Variants in PCK1 observed in about 807,000 individuals in gnomAD.
PCK1 encodes phosphoenolpyruvate carboxykinase, cytosolic [GTP].
A neutral mutation model predicts 50.3 loss-of-function variants in PCK1; 44 were observed. That is an observed-to-expected ratio of 0.87 (90% CI 0.69 to 1.12). The LOEUF is 1.12. PCK1 is among the 50% of genes most tolerant of loss of function. The probability of loss-of-function intolerance (pLI) is 0.00; values close to 1 mark genes in which losing one functional copy is unlikely to be tolerated. For missense variants in PCK1, 790 were observed against 815.0 expected, an observed-to-expected ratio of 0.97 and a Z score of 0.37; for synonymous variants, 332 against 314.3, an observed-to-expected ratio of 1.06 and a Z score of -0.59.
rs2070211948 is a variant in PCK1, at chr20:57,567,128, T to C, written c.*1324T>C. The C allele has an allele frequency of 6.6e-6, 1 of 152,226 alleles. No homozygotes were observed. Among genetic ancestry groups the C allele is most frequent in the Non-Finnish European group, 1.5e-5 (1 of 68,066 alleles). The allele number at this position is 152,226 out of a possible 1,614,324, so 9.4% of individuals were successfully genotyped here. On this transcript the variant is annotated 3_prime_UTR_variant, in exon 10 of 10. Coordinates refer to ENST00000319441, the MANE Select transcript of PCK1 (RefSeq NM_002591.4). ...TAAACTTTATATCACAGATTCAATC[T>C]GTGTAAATACTATTATCTTCAAGTT...
chr20:57,564,422 C>T (rs1486395200), intron 7 of PCK1, 29 bp downstream of exon 7: 25 of 1,613,748 alleles, frequency 1.5e-5, no homozygotes, highest in Non-Finnish European at 2.1e-5. Context: ...CCTTGGTGTG[C>T]CGGGCTGCAG....
rs756920795 is a variant in PCK1, at chr20:57,562,732, C to T, written c.443C>T (p.Pro148Leu). The T allele has an allele frequency of 2.8e-5, 45 of 1,613,864 alleles. 1 individual carries two copies. Among genetic ancestry groups the T allele is most frequent in the East Asian group, 1.3e-4 (6 of 44,894 alleles). The change falls in exon 4 of 10, where the codon CCG becomes CTG. Residue 148 changes from proline to leucine, a missense_variant. Coordinates refer to ENST00000319441, the MANE Select transcript of PCK1 (RefSeq NM_002591.4). ...TMYVIPFSMG[P>L]LGSPLSKIGI... ...TACGTCATCCCATTCAGCATGGGGC[C>T]GCTGGGCTCGCCTCTGTCAAAGATC...
chr20:57,562,189 C>G lies in PCK1; in HGVS notation c.343C>G (p.Arg115Gly), dbSNP rs2070151842. The change falls in exon 3 of 10, where the codon CGC becomes GGC. Residue 115 changes from arginine to glycine, a missense_variant. Coordinates refer to ENST00000319441, the MANE Select transcript of PCK1 (RefSeq NM_002591.4). ...CAAAACAGGCCTCAGCCAGCTCGGT[C>G]GCTGGATGTCAGAGGAGGATTTTGA... ...IPKTGLSQLGRWMSEEDFEKA... is the reference protein window; with the variant it reads ...IPKTGLSQLGGWMSEEDFEKA... 6.2e-7 allele frequency: 1 copy of G among 1,613,980 alleles called. No homozygotes were observed. The highest frequency in any genetic ancestry group is 1.7e-5 in the Admixed American group (1 of 60,012).
In PCK1 at chr20:57,561,523, T is replaced by C. The variant is rs1394259521; in HGVS notation, c.112T>C (p.Cys38Arg). The change falls in exon 2 of 10, where the codon TGT becomes CGT. Residue 38 changes from cysteine to arginine, a missense_variant. Transcript: ENST00000319441. Reference sequence around the variant, plus strand: ...GTTTCTCGAGAATAACGCTGAGCTGTGTCAGCCTGATCACATCCACATCTG... The same window carrying C: ...GTTTCTCGAGAATAACGCTGAGCTGCGTCAGCCTGATCACATCCACATCTG... ...REFLENNAEL[C>R]QPDHIHICDG... 1 of 1,613,670 alleles carries C rather than the reference T, an allele frequency of 6.2e-7. No homozygotes were observed. Among genetic ancestry groups the C allele is most frequent in the South Asian group, 1.1e-5 (1 of 91,078 alleles).
rs1338587290 is a variant in PCK1, at chr20:57,564,486, A to G, written c.1191A>G (p.Glu397=). 6.2e-7 allele frequency: 1 copy of G among 1,613,882 alleles called. No homozygotes were observed. Among genetic ancestry groups the G allele is most frequent in the Non-Finnish European group, 8.5e-7 (1 of 1,180,024 alleles). ...GAGCCTTTCTCTGTCTTATAGGGGAACCTTGTGCCCACCCCAACTCGAGGT... is the reference window on the plus strand; with the variant it reads ...GAGCCTTTCTCTGTCTTATAGGGGAGCCTTGTGCCCACCCCAACTCGAGGT... The part of the protein sequence containing the change: ...KNKEWSSEDG[E]PCAHPNSRFC... Residue 397 remains glutamate, a synonymous_variant, in exon 8 of 10, where the codon GAA becomes GAG. Coordinates refer to ENST00000319441, the MANE Select transcript of PCK1 (RefSeq NM_002591.4).
rs766747521 is a variant in PCK1 at position 57,564,624 on chromosome 20, C to T, written c.1318+11C>T. On this transcript the variant is annotated intron_variant, in intron 8 of 9. Coordinates refer to ENST00000319441, the MANE Select transcript of PCK1 (RefSeq NM_002591.4). ...GCCGTAGACCTGCTGGTGAGGCTCT[C>T]CTTCATTTAGGCTGGGAACATGGGT... 7.0e-6 allele frequency: 11 copies of T among 1,574,370 alleles called. No homozygotes were observed. Among genetic ancestry groups the T allele is most frequent in the Admixed American group, 3.6e-5 (2 of 55,922 alleles).
chr20:57,561,765 T>C, intron 2 of PCK1, 130 bp downstream of exon 2: 1 of 667,638 alleles, frequency 1.5e-6, no homozygotes, highest in Non-Finnish European at 2.6e-6. Flanking sequence ...ATGAATGCAA[T>C]GGTCAGAACC....
rs957543757 is a variant in PCK1 at position 57,565,044 on chromosome 20, C to T, written c.1323C>T (p.Val441=). The T allele has an allele frequency of 1.2e-6, 2 of 1,610,044 alleles. No individual in the cohort carries two copies. Among genetic ancestry groups the T allele is most frequent in the African/African-American group, 2.7e-5 (2 of 74,602 alleles). ...TCTTTTTTTTTCCTGCTAAAGGTGT[C>T]CCTCTAGTCTATGAAGCTCTCAGCT... ...IIFGGRRPAG[V]PLVYEALSWQ... The change falls in exon 9 of 10, where the codon GTC becomes GTT. Residue 441 remains valine (V), a synonymous_variant. Transcript: ENST00000319441.
Position 57,565,836 on chromosome 20 carries a change from T to G in PCK1, c.*32T>G. On this transcript the variant is annotated 3_prime_UTR_variant, in exon 10 of 10. Transcript: ENST00000319441. The stretch of plus-strand genomic sequence containing the variant: ...CCTGAGTGCTTTACCTTTAAAATCA[T>G]TCCCTTTCCCATCCATAAGGTGCAG... The G allele has an allele frequency of 6.7e-7, 1 of 1,500,766 alleles. No homozygotes were observed. The allele number at this position is 1,500,766 out of a possible 1,614,324, so 93.0% of individuals were successfully genotyped here. A position where few individuals can be genotyped will look rare whatever the true frequency, so the allele number is the denominator to read the frequency against.
chr20:57,562,929 A>G (rs368121320), intron 4 of PCK1, 30 bp downstream of exon 4: 3 of 1,591,914 alleles, frequency 1.9e-6, no homozygotes, highest in Non-Finnish European at 2.6e-6. Flanking sequence ...ATCAAAAGTC[A>G]AAATAAAAAA....
rs1185918570 is a variant in PCK1, at chr20:57,564,650, G to A, written c.1318+37G>A. ...CTTCATTTAGGCTGGGAACATGGGT[G>A]TGCTGGGTACCGAAGGGCATCTGTG... On this transcript the variant is annotated intron_variant, in intron 8 of 9. Coordinates refer to ENST00000319441, the MANE Select transcript of PCK1 (RefSeq NM_002591.4). The A allele has an allele frequency of 5.2e-6, 8 of 1,540,238 alleles. No homozygotes were observed. The South Asian group carries it at 1.0e-4, about 20-fold the overall frequency.
At position 57,568,034 on chromosome 20, in the gene PCK1, C is replaced by T. The variant is rs916696796; in HGVS notation, c.*2230C>T. On this transcript the variant is annotated 3_prime_UTR_variant, in exon 10 of 10. Coordinates refer to ENST00000319441, the MANE Select transcript of PCK1 (RefSeq NM_002591.4). ...GACTCAGTTTCCCCAAACCATGCCT[C>T]CTGAGTGCTCCCTCTGTCTCCAAAT... The T allele has an allele frequency of 6.6e-6, 1 of 152,278 alleles. No individual in the cohort carries two copies. Among genetic ancestry groups the T allele is most frequent in the African/African-American group, 2.4e-5 (1 of 41,464 alleles). 9.4% of individuals were successfully genotyped at this position (152,278 alleles called of 1,614,324 possible). A position where few individuals can be genotyped will look rare whatever the true frequency, so the allele number is the denominator to read the frequency against.
In PCK1 at chr20:57,565,500, A is replaced by T. The variant is rs1242984982; in HGVS notation, c.1565A>T (p.Glu522Val). 13 of 1,614,114 alleles carry T rather than the reference A, an allele frequency of 8.1e-6. No individual in the cohort carries two copies. Among genetic ancestry groups the T allele is most frequent in the East Asian group, 2.2e-5 (1 of 44,896 alleles). The change falls in exon 10 of 10, where the codon GAA (glutamate) becomes GTA (valine). Residue 522 changes from glutamate to valine, a missense_variant. By Grantham distance (121) the Glu-to-Val change is moderately radical. Coordinates refer to ENST00000319441, the MANE Select transcript of PCK1 (RefSeq NM_002591.4). The part of the protein sequence containing the change: ...FHVNWFRKDK[E>V]GKFLWPGFGE... ...GTCAACTGGTTCCGGAAGGACAAGG[A>T]AGGCAAATTCCTCTGGCCAGGCTTT...
rs1005483014 is a variant in PCK1 at position 57,567,890 on chromosome 20, T to G, written c.*2086T>G. 22 of 152,446 alleles carry G rather than the reference T, an allele frequency of 1.4e-4. No individual in the cohort carries two copies. Among genetic ancestry groups the G allele is most frequent in the African/African-American group, 5.1e-4 (21 of 41,572 alleles). The allele number at this position is 152,446 out of a possible 1,614,324, so 9.4% of individuals were successfully genotyped here. A position where few individuals can be genotyped will look rare whatever the true frequency, so the allele number is the denominator to read the frequency against. On this transcript the variant is annotated 3_prime_UTR_variant, in exon 10 of 10. Coordinates refer to ENST00000319441, the MANE Select transcript of PCK1 (RefSeq NM_002591.4). ...CAGCCACCTGGCAAGCAGTCTCACA[T>G]AGGACCATTTGCCAGCAGGCCCTGC...
intron 1 of PCK1, 83 bp downstream of exon 1, chr20:57,561,286 T>G: frequency 1.5e-6 from 1 of 657,432 alleles, no homozygotes; most frequent in Non-Finnish European, 2.7e-6. Flanking sequence ...TATTTGGCAA[T>G]GCACAGCCCT....
chr20:57,562,739 C>T lies in PCK1; in HGVS notation c.450C>T (p.Gly150=), dbSNP rs1169877742. ...YVIPFSMGPL[G]SPLSKIGIEL... ...TCCCATTCAGCATGGGGCCGCTGGG[C>T]TCGCCTCTGTCAAAGATCGGCATCG... Residue 150 remains glycine (G), a synonymous_variant, in exon 4 of 10, where the codon GGC becomes GGT. Coordinates refer to ENST00000319441, the MANE Select transcript of PCK1 (RefSeq NM_002591.4). The T allele has an allele frequency of 6.2e-7, 1 of 1,613,906 alleles. No individual in the cohort carries two copies. The highest frequency in any genetic ancestry group is 8.5e-7 in the Non-Finnish European group (1 of 1,179,954).
intron 6 of PCK1, 198 bp from the exon 7 acceptor site, chr20:57,563,971 G>A: frequency 1.6e-6 from 1 of 616,176 alleles, no homozygotes; most frequent in Non-Finnish European, 2.9e-6. Flanking sequence ...GGTATTGGTG[G>A]AAAATTGTGG....
At chr20:57,565,237 A>G in intron 9 of PCK1, 102 bp downstream of exon 9, 1 of 1,275,658 alleles carries the variant, frequency 7.8e-7, no homozygotes, top group Non-Finnish European at 1.1e-6. Context: ...GTGGGGAGAG[A>G]GAGAGAGAGA....
chr20:57,565,301 T>C (rs893047710), intron 9 of PCK1, 49 bp from the exon 10 acceptor site: 1 of 1,490,148 alleles, frequency 6.7e-7, no homozygotes, highest in African/African-American at 1.4e-5. Context: ...GGCGTCAGTC[T>C]TGCCTAGGAG....
Sources: allele counts gnomAD v4.1 joint callset, GRCh38; gene constraint gnomAD v4.1.1; transcripts MANE v1.5; gene names NCBI Gene and HGNC (gene_info 2026-07-23, HGNC 2026-07-21).